The following DCTN1 variants were observed in gnomAD, a reference collection of about 807,000 sequenced individuals.
DCTN1 encodes 150 kDa dynein-associated polypeptide.
In DCTN1, 61 loss-of-function variants were observed where a neutral mutation model predicts 161.2. The ratio of observed to expected loss-of-function variants is 0.38; its 90% CI spans 0.31 to 0.47. DCTN1 has a LOEUF of 0.47. Ranked by LOEUF, DCTN1 falls within the 20% of genes least tolerant of loss-of-function variation. DCTN1 has a pLI of 0.99. For synonymous variants in DCTN1, 653 were observed against 632.4 expected (o/e 1.03, Z -0.49); for missense variants, 1,404 against 1,623.7 (o/e 0.86, Z 2.33).
intron 4 of DCTN1, among the ~76,000 whole-genome samples, chr2:74,377,166 G>T (rs1675275485): frequency 1.3e-5 from 2 of 152,086 alleles, no homozygotes; most frequent in Admixed American, 6.6e-5. Flanking sequence ...ACACTACTAG[G>T]GCCAGACCTG....
chr2:74,369,348 G>A lies in DCTN1; in HGVS notation c.1536C>T (p.Asp512=). ...GGTACTTCTTGATGGTCTGCTGGTA[G>A]TCTGCAACCGTCTCCTGGGCTGCCT... is the stretch of plus-strand genomic sequence containing the variant. The part of the protein sequence containing the change: ...RVEAAQETVA[D]YQQTIKKYRQ... Residue 512 remains aspartate, a synonymous_variant, in exon 14 of 32, where the codon GAC becomes GAT. Coordinates refer to ENST00000628224, the MANE Select transcript of DCTN1 (RefSeq NM_004082.5). The surrounding 1 kb of genome is among the most constrained non-coding windows in gnomAD (Gnocchi z 4.9). 1 of 1,614,204 alleles carries A rather than the reference G, an allele frequency of 6.2e-7. No individual in the cohort carries two copies. Among genetic ancestry groups the A allele is most frequent in the Non-Finnish European group, 8.5e-7 (1 of 1,180,044 alleles).
chr2:74,371,450 C>A (rs1158967181), intron 8 of DCTN1, 87 bp downstream of exon 8: 3 of 1,402,652 alleles, frequency 2.1e-6, no homozygotes, highest in Non-Finnish European at 2.9e-6. Context: ...TAGGTCTTTG[C>A]CAACCCCAGG....
At position 74,361,471 on chromosome 2, in the gene DCTN1, C is replaced by G. The variant is rs1360172372; in HGVS notation, c.*28G>C. 1 of 1,613,628 alleles carries G rather than the reference C, an allele frequency of 6.2e-7. No homozygotes were observed. The highest frequency in any genetic ancestry group is 1.1e-5 in the South Asian group (1 of 91,026). The stretch of plus-strand genomic sequence containing the variant: ...AGAGCGGCACCAGAGGGCTGAGGGT[C>G]GAAGGGGACAGCAGGGGAAAGGAGT... On this transcript the variant is annotated 3_prime_UTR_variant, in exon 32 of 32. Coordinates refer to ENST00000628224, the MANE Select transcript of DCTN1 (RefSeq NM_004082.5).
At chr2:74,376,435 G>C (rs770062863) in intron 5 of DCTN1, among the ~76,000 whole-genome samples, 36 of 152,218 alleles carry the variant, frequency 2.4e-4, no homozygotes, top group Non-Finnish European at 4.7e-4. Context: ...CTGTAACCCA[G>C]TAAATGATCT....
At chr2:74,374,621 G>A (rs1279978794) in intron 5 of DCTN1, 3 of 1,242,060 alleles carry the variant, frequency 2.4e-6, no homozygotes, top group Non-Finnish European at 3.1e-6. Context: ...AGGCACCGGA[G>A]CGGTGCCTGG....
intron 1 of DCTN1, among the ~76,000 whole-genome samples, chr2:74,389,610 C>T (rs536210101): frequency 3.9e-5 from 6 of 152,282 alleles, no homozygotes; most frequent in East Asian, 3.9e-4. Context: ...CTTATCAATT[C>T]GTCCTTAGTA....
chr2:74,362,188 C>G (rs766564409), intron 30 of DCTN1, 47 bp from the exon 31 acceptor site: 3 of 1,565,120 alleles, frequency 1.9e-6, no homozygotes, highest in African/African-American at 1.4e-5. Flanking sequence ...GGGACCCCCA[C>G]AGGCTAGCAC....
intron 18 of DCTN1, 42 bp from the exon 19 acceptor site, chr2:74,367,462 C>G (rs751244918): frequency 6.2e-7 from 1 of 1,608,690 alleles, no homozygotes; most frequent in Non-Finnish European, 8.5e-7. Context: ...GGCCCTGGAG[C>G]GGGTGGGGAG....
chr2:74,391,668 A>T lies in DCTN1; in HGVS notation c.-19+126T>A, dbSNP rs13431994. 2,360 of 378,518 alleles carry T rather than the reference A, an allele frequency of 6.2e-3. 20 individuals carry two copies. The highest frequency in any genetic ancestry group is 9.6e-3 in the South Asian group (495 of 51,540). 23.4% of individuals were successfully genotyped at this position (378,518 alleles called of 1,614,324 possible). On this transcript the variant is annotated intron_variant, in intron 1 of 27. Coordinates refer to the DCTN1 transcript ENST00000409240. ...GCTCAGGCGGAGCCCCCGGACCCCG[A>T]CAAGCGCCCACCCCTGCCAGTCCCC...
chr2:74,365,842 G>A (rs763101727), intron 24 of DCTN1, 51 bp downstream of exon 24: 1 of 1,613,888 alleles, frequency 6.2e-7, no homozygotes, highest in Non-Finnish European at 8.5e-7. Context: ...CTGCTTTCCT[G>A]AGTCCTACCA....
At chr2:74,372,895 A>T in intron 7 of DCTN1, 33 bp downstream of exon 7, 3 of 1,611,352 alleles carry the variant, frequency 1.9e-6, no homozygotes, top group Non-Finnish European at 2.5e-6. Context: ...GTGTACACTC[A>T]GCAGTGGCTC....
At chr2:74,368,561 A>G in intron 16 of DCTN1, 167 bp downstream of exon 16, 1 of 926,856 alleles carries the variant, frequency 1.1e-6, no homozygotes, top group Non-Finnish European at 1.7e-6. Context: ...TCTCCTTGAA[A>G]ACACACCATT....
At position 74,361,223 on chromosome 2, in the gene DCTN1, G is replaced by A. The variant is rs1673957288; in HGVS notation, c.*276C>T. ...TCAAGGGGACCTCACTTAACCTTTG[G>A]TGGTGGGGTCTCAGCCTACCCCCCA... On this transcript the variant is annotated 3_prime_UTR_variant, in exon 32 of 32. Transcript: ENST00000628224. 1 of 596,552 alleles carries A rather than the reference G, an allele frequency of 1.7e-6. No homozygotes were observed. Among genetic ancestry groups the A allele is most frequent in the African/African-American group, 1.8e-5 (1 of 55,022 alleles). 37.0% of individuals were successfully genotyped at this position (596,552 alleles called of 1,614,324 possible).
In DCTN1 at chr2:74,370,829, A is replaced by C. The variant is rs1302206075; in HGVS notation, c.844-4T>G. ...CCTCCAGCGCCTCCTTGGCTTCCTGAGGAAGAAGTGGAGGTGGGAGGGGGT... is the reference window on the plus strand; with the variant it reads ...CCTCCAGCGCCTCCTTGGCTTCCTGCGGAAGAAGTGGAGGTGGGAGGGGGT... On this transcript the variant is annotated splice_region_variant and splice_polypyrimidine_tract_variant and intron_variant, in intron 9 of 31. Transcript: ENST00000628224. This position sits in a 1 kb window ranked among gnomAD's most constrained non-coding sequence, Gnocchi z 4.4. The C allele has an allele frequency of 6.2e-7, 1 of 1,614,128 alleles. No individual in the cohort carries two copies. Among genetic ancestry groups the C allele is most frequent in the Non-Finnish European group, 8.5e-7 (1 of 1,180,024 alleles).
At chr2:74,389,508 C>T (rs1675897169) in intron 1 of DCTN1, among the ~76,000 whole-genome samples, 1 of 152,158 alleles carries the variant, frequency 6.6e-6, no homozygotes, top group South Asian at 2.1e-4. Context: ...CCTAGAGTGG[C>T]AGTTCTCAAT....
Position 74,369,275 on chromosome 2 carries a change from C to A in DCTN1, c.1584+25G>T. 6.2e-7 allele frequency: 1 copy of A among 1,614,162 alleles called. No individual in the cohort carries two copies. The highest frequency in any genetic ancestry group is 1.1e-5 in the South Asian group (1 of 91,074). ...AAGGAAGCCCTGGGGTGATGGTGGGCAGAGAGCAAACAGTGGGCATGTACC... is the reference window on the plus strand; with the variant it reads ...AAGGAAGCCCTGGGGTGATGGTGGGAAGAGAGCAAACAGTGGGCATGTACC... On this transcript the variant is annotated intron_variant, in intron 14 of 31. Transcript: ENST00000628224. This position sits in a 1 kb window ranked among gnomAD's most constrained non-coding sequence, Gnocchi z 4.9.
At chr2:74,390,330 A>G (rs1293497339) in intron 1 of DCTN1, among the ~76,000 whole-genome samples, 1 of 152,238 alleles carries the variant, frequency 6.6e-6, no homozygotes, top group Non-Finnish European at 1.5e-5. Flanking sequence ...TCTAGGACCA[A>G]CAGCATGGAA....
At chr2:74,381,740 A>G (rs1046664052), upstream of DCTN1, among the ~76,000 whole-genome samples, 2 of 152,216 alleles carry the variant, frequency 1.3e-5, no homozygotes, top group Non-Finnish European at 2.9e-5. Context: ...GTTACTTAAC[A>G]TCTCTATGCC....
chr2:74,389,723 T>C (rs1389321416), intron 1 of DCTN1, among the ~76,000 whole-genome samples: 2 of 152,222 alleles, frequency 1.3e-5, no homozygotes, highest in African/African-American at 2.4e-5. Context: ...CCCTCTTTGG[T>C]GCATCATCTA....
Sources: allele counts gnomAD v4.1 joint callset (sites outside exome capture counted in the v4.1 genomes callset), GRCh38; gene constraint gnomAD v4.1.1; non-coding constraint Gnocchi (gnomAD v3.1); transcripts MANE v1.5; gene names NCBI Gene and HGNC (gene_info 2026-07-23, HGNC 2026-07-21).